Variants in NFATC1 observed in about 807,000 individuals in gnomAD.
NFATC1 encodes the protein nuclear factor of activated T-cells, cytoplasmic 1.
Under a neutral mutation model 76.0 loss-of-function variants are expected in NFATC1, and 22 were observed. That is an observed-to-expected ratio of 0.29 (90% confidence interval 0.21 to 0.41). The LOEUF (loss-of-function observed/expected upper bound fraction) is 0.41, where lower values mean the gene tolerates loss of function less well. NFATC1 is among the 10% of genes least tolerant of loss of function. NFATC1 has a pLI of 1.00. For missense variants in NFATC1, 1,357 were observed against 1,337.7 expected, an observed-to-expected ratio of 1.01 and a Z score of -0.23; for synonymous variants, 704 against 613.1, an observed-to-expected ratio of 1.15 and a Z score of -2.19.
At chr18:79,498,823 T>C (rs1268063529) in intron 9 of NFATC1, among the ~76,000 whole-genome samples, 2 of 152,226 alleles carry the variant, frequency 1.3e-5, no homozygotes, top group African/African-American at 4.8e-5. Flanking sequence ...AACAGCCAGC[T>C]GCTTATTGTG....
At chr18:79,506,054 C>T (rs1296963992) in intron 9 of NFATC1, among the ~76,000 whole-genome samples, 4 of 152,190 alleles carry the variant, frequency 2.6e-5, no homozygotes, top group Non-Finnish European at 5.9e-5. Flanking sequence ...GTGAAACGTG[C>T]CTCCGTAGAA....
At chr18:79,432,465 C>T (rs927932691) in intron 2 of NFATC1, among the ~76,000 whole-genome samples, 3 of 101,642 alleles carry the variant, frequency 3.0e-5, no homozygotes, top group East Asian at 3.7e-4. Flanking sequence ...CAGGGTCTTG[C>T]ACCTGATCTG....
chr18:79,446,816 A>G (rs998827136), intron 3 of NFATC1, among the ~76,000 whole-genome samples: 1 of 152,224 alleles, frequency 6.6e-6, no homozygotes, highest in African/African-American at 2.4e-5. Flanking sequence ...TCCTGTGGGC[A>G]TCTGCGCACA....
chr18:79,514,266 C>A (rs1455778683), intron 9 of NFATC1, among the ~76,000 whole-genome samples: 1 of 151,954 alleles, frequency 6.6e-6, no homozygotes, highest in Non-Finnish European at 1.5e-5. Flanking sequence ...ATAGCAAGAC[C>A]CCATCTCTAC....
At chr18:79,489,780 C>A (rs1381191159) in intron 9 of NFATC1, among the ~76,000 whole-genome samples, 1 of 152,242 alleles carries the variant, frequency 6.6e-6, no homozygotes, top group Non-Finnish European at 1.5e-5. Flanking sequence ...AGACCCCGAG[C>A]GCCAGCCCTG....
chr18:79,424,981 GTC>G (rs1234116925), intron 2 of NFATC1, among the ~76,000 whole-genome samples: 7 of 138,526 alleles, frequency 5.1e-5, no homozygotes, highest in African/African-American at 1.1e-4. Context: ...CTGTCTCTCT[GTC>G]TCTCTGTGTC....
Position 79,415,078 on chromosome 18 carries a change from G to T in NFATC1, c.1226+3577G>T, listed in dbSNP as rs796741190. Among the ~76,000 whole-genome samples the T allele has an allele frequency of 6.5e-4, 99 of 152,280 alleles. 1 individual carries two copies. Among genetic ancestry groups the T allele is most frequent in the African/African-American group, 2.4e-3 (98 of 41,554 alleles). On this transcript the variant is annotated intron_variant, in intron 2 of 9. Coordinates refer to ENST00000427363, the MANE Select transcript of NFATC1 (RefSeq NM_001278669.2). ...TGTGCGTCCATGTCCAGGTCTGTCT[G>T]TGCCGACATCTGCTCTTTGGGCATC...
chr18:79,469,213 A>T, intron 8 of NFATC1: 1 of 443,248 alleles, frequency 2.3e-6, no homozygotes, highest in Non-Finnish European at 3.0e-6. Context: ...AGTCCTAATT[A>T]AACTTCAAGC....
At chr18:79,513,404 C>T (rs1156320558) in intron 9 of NFATC1, among the ~76,000 whole-genome samples, 3 of 152,234 alleles carry the variant, frequency 2.0e-5, no homozygotes, top group Non-Finnish European at 4.4e-5. Context: ...TTCCACCCGC[C>T]TCCCACCCAC....
chr18:79,451,897 C>A, intron 6 of NFATC1, 81 bp downstream of exon 6: 1 of 1,504,342 alleles, frequency 6.6e-7, no homozygotes, highest in South Asian at 1.3e-5. Context: ...GAGCAGGACC[C>A]ACCTGTGCAC....
At chr18:79,400,367 CGCCCCG>C (rs749710747) in intron 1 of NFATC1, 46 of 1,434,242 alleles carry the variant, frequency 3.2e-5, no homozygotes, top group Admixed American at 5.6e-5. Context: ...CCCCGGCTCC[CGCCCCG>C]GCCCCGGCCC....
At chr18:79,432,506 C>A (rs1028172899) in intron 2 of NFATC1, among the ~76,000 whole-genome samples, 2 of 152,266 alleles carry the variant, frequency 1.3e-5, no homozygotes, top group African/African-American at 4.8e-5. Flanking sequence ...GAGGGTCCCA[C>A]CGCATCCTCC....
Position 79,410,077 on chromosome 18 carries a change from G to A in NFATC1, c.128-326G>A, listed in dbSNP as rs1264558306. ...GATGAAGATGGGGTGGTTGGGGAAGGTGGTTTTTGAATGAAGAGCGGAACC... is the reference window on the plus strand; with the variant it reads ...GATGAAGATGGGGTGGTTGGGGAAGATGGTTTTTGAATGAAGAGCGGAACC... On this transcript the variant is annotated intron_variant, in intron 1 of 9. Coordinates refer to ENST00000427363, the MANE Select transcript of NFATC1 (RefSeq NM_001278669.2). The surrounding 1 kb of genome is among the most constrained non-coding windows in gnomAD (Gnocchi z 6.7). 3.0e-6 allele frequency: 2 copies of A among 673,736 alleles called. No homozygotes were observed. The highest frequency in any genetic ancestry group is 2.7e-5 in the South Asian group (2 of 72,904). The allele number at this position is 673,736 out of a possible 1,614,324, so 41.7% of individuals were successfully genotyped here. A position where few individuals can be genotyped will look rare whatever the true frequency, so the allele number is the denominator to read the frequency against.
At chr18:79,515,476 G>A (rs573461542) in intron 9 of NFATC1, among the ~76,000 whole-genome samples, 169 of 152,102 alleles carry the variant, frequency 1.1e-3, no homozygotes, top group African/African-American at 3.9e-3. Flanking sequence ...GTGGTGGATG[G>A]GGGCTCGGAG....
intron 3 of NFATC1, among the ~76,000 whole-genome samples, chr18:79,444,231 G>C (rs28723685): frequency 6.6e-6 from 1 of 152,008 alleles, no homozygotes; most frequent in Non-Finnish European, 1.5e-5. Context: ...GCTCTGGGGG[G>C]GTGTGCACAT....
chr18:79,480,832 G>A (rs984213886), intron 8 of NFATC1, among the ~76,000 whole-genome samples: 2 of 152,250 alleles, frequency 1.3e-5, no homozygotes, highest in African/African-American at 4.8e-5. Flanking sequence ...CACAGAAGAG[G>A]CGCACTGGCC....
At chr18:79,447,791 G>A (rs2144758403) in intron 3 of NFATC1, among the ~76,000 whole-genome samples, 1 of 152,364 alleles carries the variant, frequency 6.6e-6, no homozygotes, top group South Asian at 2.1e-4. Flanking sequence ...GATTGTAAAT[G>A]GTAGCGTTAA....
At chr18:79,494,066 C>T (rs1383318420) in intron 9 of NFATC1, among the ~76,000 whole-genome samples, 1 of 152,218 alleles carries the variant, frequency 6.6e-6, no homozygotes, top group Non-Finnish European at 1.5e-5. Context: ...CACCAGAGGC[C>T]GCGTCCAAAC....
At chr18:79,512,148 C>A (rs1407293313) in intron 9 of NFATC1, among the ~76,000 whole-genome samples, 2 of 152,114 alleles carry the variant, frequency 1.3e-5, no homozygotes, top group Non-Finnish European at 2.9e-5. Flanking sequence ...AGACAAGCCC[C>A]AGGACGCAGC....
Sources: allele counts gnomAD v4.1 joint callset (sites outside exome capture counted in the v4.1 genomes callset), GRCh38; gene constraint gnomAD v4.1.1; non-coding constraint Gnocchi (gnomAD v3.1); transcripts MANE v1.5; gene names NCBI Gene and HGNC (gene_info 2026-07-23, HGNC 2026-07-21).